Variants in HUNK observed in about 807,000 individuals in gnomAD.
HUNK encodes the protein hormonally up-regulated neu tumor-associated kinase.
Under a neutral mutation model 61.0 loss-of-function variants are expected in HUNK, and 21 were observed. The observed-to-expected ratio is 0.34, with a 90% CI of 0.24 to 0.50. HUNK has a LOEUF of 0.50. HUNK is among the 20% of genes least tolerant of loss of function. HUNK has a pLI of 0.98. For synonymous variants in HUNK, 371 were observed against 386.1 expected (o/e 0.96, Z 0.46); for missense variants, 772 against 945.7 (o/e 0.82, Z 2.41).
At chr21:31,968,541 C>A (rs1354213485) in intron 6 of HUNK, among the ~76,000 whole-genome samples, 156 bp downstream of exon 6, 5 of 152,178 alleles carry the variant, frequency 3.3e-5, no homozygotes, top group African/African-American at 1.2e-4. Flanking sequence ...CCCACACATC[C>A]ACAAGAGGAA....
At chr21:31,911,295 T>C (rs2052544059) in intron 1 of HUNK, among the ~76,000 whole-genome samples, 1 of 152,168 alleles carries the variant, frequency 6.6e-6, no homozygotes, top group Admixed American at 6.5e-5. Context: ...TCAGAGGTGA[T>C]AAGTGCTATG....
At chr21:31,910,373 C>T (rs186250345) in intron 1 of HUNK, among the ~76,000 whole-genome samples, 2 of 152,272 alleles carry the variant, frequency 1.3e-5, no homozygotes, top group Admixed American at 6.5e-5. Flanking sequence ...AGACACCAGT[C>T]CTGTTGGATT....
At chr21:31,980,379 CTTT>C (rs35350096) in intron 7 of HUNK, among the ~76,000 whole-genome samples, 9 of 84,556 alleles carry the variant, frequency 1.1e-4, no homozygotes, top group African/African-American at 2.1e-4. Context: ...CTGTCTTCTT[CTTT>C]TTTTTTTTTT....
chr21:31,969,902 AT>A, intron 6 of HUNK, among the ~76,000 whole-genome samples: 1 of 152,058 alleles, frequency 6.6e-6, no homozygotes, highest in South Asian at 2.1e-4. Flanking sequence ...CATTTGTCCT[AT>A]TTCTAACTAA....
Position 31,999,067 on chromosome 21 carries a change from TCA to T in HUNK, c.2029_2030del (p.Gln677GlufsTer8), listed in dbSNP as rs772486711. On this transcript the variant is annotated frameshift_variant, in exon 11 of 11. Transcript: ENST00000270112. LOFTEE classifies it high-confidence loss of function. ...GIGQMLRKRH[Q>X]SLQPSADRPL... ...TCGGACAGATGTTAAGGAAGCGCCA[TCA>T]GAGTCTGCAGCCATCTGCAGATAGG... 6.2e-7 allele frequency: 1 copy of T among 1,614,198 alleles called. No homozygotes were observed. Among genetic ancestry groups the T allele is most frequent in the Admixed American group, 1.7e-5 (1 of 60,026 alleles).
At chr21:31,896,071 GC>G (rs34012379) in intron 1 of HUNK, among the ~76,000 whole-genome samples, 152,318 of 152,318 alleles carry the variant, frequency 1, 76,159 homozygotes, top group Non-Finnish European at 1. Context: ...CTGCACGAAG[GC>G]CACAGTGAGA....
At chr21:31,997,962 G>A (rs917338117) in intron 10 of HUNK, among the ~76,000 whole-genome samples, 5 of 151,806 alleles carry the variant, frequency 3.3e-5, no homozygotes, top group Non-Finnish European at 7.4e-5. Context: ...CTGTCACCCA[G>A]GCTGCAGTGC....
At chr21:31,885,638 C>T (rs2052340456) in intron 1 of HUNK, among the ~76,000 whole-genome samples, 1 of 152,188 alleles carries the variant, frequency 6.6e-6, no homozygotes, top group Non-Finnish European at 1.5e-5. Flanking sequence ...GTTCCATGCC[C>T]CTGTCCTCGG....
intron 1 of HUNK, among the ~76,000 whole-genome samples, chr21:31,886,832 A>G (rs8130426): frequency 0.16 from 23,999 of 151,948 alleles, 2,639 homozygotes; most frequent in African/African-American, 0.31. Context: ...TTTTAGTAGA[A>G]ACGGAGTCAG....
intron 1 of HUNK, among the ~76,000 whole-genome samples, chr21:31,913,317 G>A (rs1021289556): frequency 1.3e-5 from 2 of 152,082 alleles, no homozygotes; most frequent in African/African-American, 2.4e-5. Flanking sequence ...TTCCAGGCTG[G>A]GCTGGGTGGG....
At chr21:31,969,460 A>T (rs189831447) in intron 6 of HUNK, among the ~76,000 whole-genome samples, 1 of 152,322 alleles carries the variant, frequency 6.6e-6, no homozygotes, top group African/African-American at 2.4e-5. Flanking sequence ...CTTTAAGCAA[A>T]GCTTGCAGAC....
rs758425013 is a variant in HUNK at position 31,958,910 on chromosome 21, G to T, written c.814G>T (p.Ala272Ser). 5 of 1,610,542 alleles carry T rather than the reference G, an allele frequency of 3.1e-6. No homozygotes were observed. The highest frequency in any genetic ancestry group is 4.2e-6 in the Non-Finnish European group (5 of 1,178,644). ...CACGGTGGAGCCTTTCAGCCTGAGG[G>T]CTTTGTACCAGAAGATGGTAGACAA... is the stretch of plus-strand genomic sequence containing the variant. ...PFTVEPFSLR[A>S]LYQKMVDKEM... Residue 272 changes from alanine to serine, a missense_variant, in exon 5 of 11, where the codon GCT (alanine) becomes TCT (serine). Around this residue, in one of 2 missense-constraint regions of HUNK, gnomAD observed 359 missense variants for 501.3 expected, o/e 0.72. Transcript: ENST00000270112.
rs572649746 is a variant in HUNK, at chr21:31,958,963, C to T, written c.867C>T (p.Leu289=). 7.5e-6 allele frequency: 12 copies of T among 1,603,286 alleles called. No homozygotes were observed. In the African/African-American group the frequency reaches 9.4e-5, roughly 13 times the overall value. The change falls in exon 5 of 11, where the codon CTC becomes CTT. Residue 289 remains leucine (L), a synonymous_variant. Transcript: ENST00000270112. Reference sequence around the variant, plus strand: ...AAATGAACCCCCTCCCCACTCAGCTCTCCACAGGTAATGCACCAGCTGCTC... The same window carrying T: ...AAATGAACCCCCTCCCCACTCAGCTTTCCACAGGTAATGCACCAGCTGCTC... ...DKEMNPLPTQ[L]STGAISFLRS...
intron 8 of HUNK, among the ~76,000 whole-genome samples, chr21:31,988,711 TTTTC>T (rs1029577122): frequency 3.2e-4 from 48 of 151,862 alleles, no homozygotes; most frequent in African/African-American, 1.1e-3. Context: ...ATTCTTTTCT[TTTTC>T]TTTCTTTCTT....
At chr21:31,934,644 C>G (rs763741606) in intron 2 of HUNK, among the ~76,000 whole-genome samples, 1 of 152,096 alleles carries the variant, frequency 6.6e-6, no homozygotes, top group Non-Finnish European at 1.5e-5. Flanking sequence ...AGTTTTTCAA[C>G]CCTCGTCCTC....
chr21:31,894,193 A>C (rs550199128), intron 1 of HUNK, among the ~76,000 whole-genome samples: 1 of 152,352 alleles, frequency 6.6e-6, no homozygotes, highest in Admixed American at 6.5e-5. Flanking sequence ...GAAAGAAAGC[A>C]CATCTAAGAC....
intron 5 of HUNK, among the ~76,000 whole-genome samples, chr21:31,966,748 T>C (rs1342801429): frequency 6.6e-6 from 1 of 152,170 alleles, no homozygotes; most frequent in African/African-American, 2.4e-5. Flanking sequence ...AAGATTACTT[T>C]AGAAAACTGA....
intron 1 of HUNK, among the ~76,000 whole-genome samples, chr21:31,908,761 C>T (rs981903196): frequency 1.3e-5 from 2 of 152,010 alleles, no homozygotes; most frequent in East Asian, 1.9e-4. Context: ...TCTGTTGTTG[C>T]GGAGTTACAC....
chr21:31,943,089 C>CT (rs199886691), intron 3 of HUNK, among the ~76,000 whole-genome samples: 8 of 149,568 alleles, frequency 5.3e-5, no homozygotes, highest in East Asian at 3.9e-4. Flanking sequence ...GCATTACCTA[C>CT]TTTTTTTTTT....
Sources: allele counts gnomAD v4.1 joint callset (sites outside exome capture counted in the v4.1 genomes callset), GRCh38; gene constraint gnomAD v4.1.1; regional missense constraint gnomAD v4.1.1; transcripts MANE v1.5; gene names NCBI Gene and HGNC (gene_info 2026-07-23, HGNC 2026-07-21).